Variants in COG6 observed in about 807,000 individuals in gnomAD.
COG6 encodes the protein conserved oligomeric Golgi complex subunit 6.
A neutral mutation model predicts 88.8 loss-of-function variants in COG6; 74 were observed. The observed-to-expected ratio is 0.83, with a 90% CI of 0.69 to 1.01. The LOEUF (loss-of-function observed/expected upper bound fraction) is 1.01, where lower values mean the gene tolerates loss of function less well. Ranked by LOEUF, COG6 falls within the 50% of genes least tolerant of loss-of-function variation. The pLI is 0.00. For synonymous variants in COG6, 286 were observed against 278.7 expected (o/e 1.03, Z -0.26); for missense variants, 800 against 797.9 (o/e 1.00, Z -0.03).
At chr13:39,726,925 T>G (rs1271177229) in intron 17 of COG6, among the ~76,000 whole-genome samples, 2 of 152,020 alleles carry the variant, frequency 1.3e-5, no homozygotes, top group African/African-American at 2.4e-5. Context: ...CTTGTTTTAT[T>G]CCTTAATAGC....
At chr13:39,763,791 A>G (rs886865319) in intron 18 of COG6, among the ~76,000 whole-genome samples, 2 of 151,672 alleles carry the variant, frequency 1.3e-5, no homozygotes, top group East Asian at 1.9e-4. Context: ...TATCCTTTTT[A>G]TATATCTTTT....
intron 18 of COG6, among the ~76,000 whole-genome samples, chr13:39,784,820 A>T (rs1566048755): frequency 6.6e-6 from 1 of 152,324 alleles, no homozygotes; most frequent in East Asian, 1.9e-4. Flanking sequence ...AGGAGCTCCC[A>T]GAGTATGGGT....
At chr13:39,702,057 T>C (rs553436730) in intron 13 of COG6, among the ~76,000 whole-genome samples, 2 of 151,998 alleles carry the variant, frequency 1.3e-5, no homozygotes, top group Non-Finnish European at 1.5e-5. Context: ...ACTTAGAGAG[T>C]ACCATGTGCA....
At chr13:39,725,937 T>A (rs1879113717) in intron 17 of COG6, among the ~76,000 whole-genome samples, 1 of 151,932 alleles carries the variant, frequency 6.6e-6, no homozygotes, top group South Asian at 2.1e-4. Flanking sequence ...GTTCCCTTCC[T>A]CTGTTTCTCC....
Position 39,751,573 on chromosome 13 carries a change from G to T in COG6, c.*480G>T. ...TTTTCTGAACCTAGCCTATGTCTCTGTCCCCAAAATAGCTGCCCTTAAAGA... is the reference window on the plus strand; with the variant it reads ...TTTTCTGAACCTAGCCTATGTCTCTTTCCCCAAAATAGCTGCCCTTAAAGA... On this transcript the variant is annotated 3_prime_UTR_variant, in exon 19 of 19. Transcript: ENST00000455146. The T allele has an allele frequency of 7.8e-7, 1 of 1,287,084 alleles. No homozygotes were observed. The highest frequency in any genetic ancestry group is 1.2e-5 in the South Asian group (1 of 80,920). The allele number at this position is 1,287,084 out of a possible 1,614,324, so 79.7% of individuals were successfully genotyped here. A position where few individuals can be genotyped will look rare whatever the true frequency, so the allele number is the denominator to read the frequency against.
At chr13:39,678,466 G>A (rs551694904) in intron 5 of COG6, among the ~76,000 whole-genome samples, 63 of 152,144 alleles carry the variant, frequency 4.1e-4, no homozygotes, top group Admixed American at 3.3e-3. Flanking sequence ...GAAATCACTT[G>A]TTTTTTCATC....
At chr13:39,784,477 A>T (rs1029291809) in intron 18 of COG6, among the ~76,000 whole-genome samples, 2 of 152,210 alleles carry the variant, frequency 1.3e-5, no homozygotes, top group African/African-American at 4.8e-5. Flanking sequence ...TGGATATAGA[A>T]GTCAACAAGA....
At chr13:39,754,977 C>G (rs1456659421), downstream of COG6, among the ~76,000 whole-genome samples, 1 of 152,126 alleles carries the variant, frequency 6.6e-6, no homozygotes, top group Non-Finnish European at 1.5e-5. Flanking sequence ...CTGAGATTAT[C>G]ATAATGATTG....
intron 18 of COG6, among the ~76,000 whole-genome samples, chr13:39,769,732 C>T (rs182053995): frequency 1.2e-4 from 19 of 152,212 alleles, no homozygotes; most frequent in African/African-American, 3.6e-4. Context: ...ATTAAGAGAG[C>T]GGGGCCTTCG....
chr13:39,751,123 T>G lies in COG6; in HGVS notation c.*30T>G. ...CTTATTTCATTGTGTTAGCAAAATA[T>G]GACCTCCCTAAAACACTGAAGGTTA... is the stretch of plus-strand genomic sequence containing the variant. On this transcript the variant is annotated 3_prime_UTR_variant, in exon 19 of 19. Transcript: ENST00000455146. The G allele has an allele frequency of 6.2e-7, 1 of 1,612,438 alleles. No homozygotes were observed. Among genetic ancestry groups the G allele is most frequent in the Non-Finnish European group, 8.5e-7 (1 of 1,178,994 alleles).
At chr13:39,679,497 G>A (rs1357661327) in intron 5 of COG6, 41 bp from the exon 6 acceptor site, 1 of 1,096,350 alleles carries the variant, frequency 9.1e-7, no homozygotes. Context: ...ATGCAATTTT[G>A]CCTGAAGCAT....
At chr13:39,682,293 A>C in intron 8 of COG6, 29 bp downstream of exon 8, 1 of 1,348,758 alleles carries the variant, frequency 7.4e-7, no homozygotes, top group Non-Finnish European at 1.1e-6. Flanking sequence ...ATTAAAAATG[A>C]AAGCCTACTT....
intron 15 of COG6, among the ~76,000 whole-genome samples, chr13:39,721,507 G>A (rs1284812203): frequency 1.3e-5 from 2 of 152,060 alleles, no homozygotes; most frequent in Non-Finnish European, 2.9e-5. Context: ...CCCACTGGCA[G>A]TCCCTTGAGT....
chr13:39,777,354 G>T (rs1881494994), intron 18 of COG6, among the ~76,000 whole-genome samples: 1 of 152,168 alleles, frequency 6.6e-6, no homozygotes, highest in Middle Eastern at 3.2e-3. Flanking sequence ...CAGGTGAGTT[G>T]ACCCATAACC....
At chr13:39,772,855 C>G (rs1008163604) in intron 18 of COG6, among the ~76,000 whole-genome samples, 14 of 152,330 alleles carry the variant, frequency 9.2e-5, no homozygotes, top group Admixed American at 7.2e-4. Context: ...GCCAGAGGCT[C>G]TAGTTGCAAA....
chr13:39,655,970 C>G, intron 1 of COG6, 91 bp downstream of exon 1: 1 of 1,478,874 alleles, frequency 6.8e-7, no homozygotes, highest in Non-Finnish European at 9.2e-7. Context: ...CCGCGGTCTC[C>G]CTCGTCCCGG....
intron 18 of COG6, among the ~76,000 whole-genome samples, chr13:39,749,823 G>T (rs1376990615): frequency 6.6e-6 from 1 of 152,114 alleles, no homozygotes; most frequent in Non-Finnish European, 1.5e-5. Flanking sequence ...AATGGTAGAA[G>T]GAATTTGGGC....
At chr13:39,712,453 T>G (rs1477157597) in intron 13 of COG6, among the ~76,000 whole-genome samples, 2 of 152,124 alleles carry the variant, frequency 1.3e-5, no homozygotes, top group African/African-American at 2.4e-5. Flanking sequence ...TAGTGGTATA[T>G]GTATATGTTT....
chr13:39,664,694 C>G (rs1187634378), intron 3 of COG6, among the ~76,000 whole-genome samples: 1 of 152,156 alleles, frequency 6.6e-6, no homozygotes, highest in African/African-American at 2.4e-5. Context: ...CTATTGAGCT[C>G]CACACTAGCA....
Sources: gnomAD v4.1 joint callset for allele counts (sites outside exome capture counted in the v4.1 genomes callset) on GRCh38, gnomAD v4.1.1 for gene constraint, MANE v1.5 for transcripts, NCBI Gene and HGNC (gene_info 2026-07-23, HGNC 2026-07-21) for gene names.